Variants in CERS5 observed in about 807,000 individuals in gnomAD.
The protein encoded by CERS5 is ceramide synthase 5.
A neutral mutation model predicts 58.9 loss-of-function variants in CERS5; 37 were observed. That is an observed-to-expected ratio of 0.63 (90% confidence interval 0.48 to 0.83). CERS5 has a LOEUF of 0.83. Ranked by LOEUF, CERS5 falls within the 40% of genes least tolerant of loss-of-function variation. CERS5 has a pLI of 0.00. For missense variants in CERS5, 398 were observed against 489.3 expected (o/e 0.81, Z 1.76); for synonymous variants, 147 against 177.8 (o/e 0.83, Z 1.38).
At chr12:50,160,304 C>CA (rs754917459) in intron 1 of CERS5, among the ~76,000 whole-genome samples, 34,520 of 84,138 alleles carry the variant, frequency 0.41, 5,711 homozygotes, top group Non-Finnish European at 0.48. Flanking sequence ...GACTCTGTCT[C>CA]AAAAAAAAAA....
intron 2 of CERS5, 143 bp downstream of exon 2, chr12:50,143,809 T>G (rs1952111594): frequency 1.7e-6 from 1 of 593,390 alleles, no homozygotes. Flanking sequence ...GATAAAGCTC[T>G]CCATATAGCT....
At chr12:50,132,990 G>T (rs1238138977) in intron 9 of CERS5, 6 of 1,288,856 alleles carry the variant, frequency 4.7e-6, no homozygotes, top group African/African-American at 1.5e-5. Flanking sequence ...TCCAGCTCCC[G>T]CCAGGCATAG....
intron 1 of CERS5, among the ~76,000 whole-genome samples, chr12:50,162,273 G>A (rs1939394756): frequency 6.6e-6 from 1 of 150,404 alleles, no homozygotes; most frequent in Non-Finnish European, 1.5e-5. Flanking sequence ...TAGAACAAGA[G>A]GTTAAATCTT....
intron 1 of CERS5, among the ~76,000 whole-genome samples, chr12:50,163,748 C>A (rs1460417515): frequency 6.6e-6 from 1 of 152,066 alleles, no homozygotes; most frequent in African/African-American, 2.4e-5. Flanking sequence ...CGGGTTCAAG[C>A]AATCCTCCTG....
In CERS5 at chr12:50,138,563, C is replaced by T. The variant is rs773188969; in HGVS notation, c.543+4G>A. The T allele has an allele frequency of 1.9e-6, 3 of 1,613,466 alleles. No individual in the cohort carries two copies. The highest frequency in any genetic ancestry group is 2.2e-5 in the East Asian group (1 of 44,872). ...CCCCTATCCTGAAACGACTCAGATC[C>T]TACCTGAAATGGATAGTTATGCCAG... On this transcript the variant is annotated splice_donor_region_variant and intron_variant, in intron 5 of 9. Transcript: ENST00000317551.
chr12:50,163,084 G>C (rs1418795600), intron 1 of CERS5, among the ~76,000 whole-genome samples: 1 of 152,082 alleles, frequency 6.6e-6, no homozygotes, highest in African/African-American at 2.4e-5. Flanking sequence ...TTTTTTGTAG[G>C]ATCAGGGTCT....
chr12:50,161,951 C>T (rs1223913473), intron 1 of CERS5, among the ~76,000 whole-genome samples: 4 of 145,428 alleles, frequency 2.8e-5, no homozygotes, highest in African/African-American at 5.1e-5. Flanking sequence ...CTCAGCTCAC[C>T]GCAACCTCTG....
chr12:50,135,639 A>C (rs1160491797), intron 8 of CERS5, 93 bp downstream of exon 8: 3 of 941,026 alleles, frequency 3.2e-6, no homozygotes, highest in Non-Finnish European at 5.3e-6. Flanking sequence ...GTAGAATAGA[A>C]TAGAACAGAA....
chr12:50,146,533 C>A (rs1439167940), intron 1 of CERS5, among the ~76,000 whole-genome samples: 1 of 152,188 alleles, frequency 6.6e-6, no homozygotes, highest in African/African-American at 2.4e-5. Context: ...TAAAGCTACT[C>A]ATATCCAGTC....
chr12:50,138,685 T>A, intron 4 of CERS5, 68 bp from the exon 5 acceptor site: 2 of 1,363,676 alleles, frequency 1.5e-6, no homozygotes, highest in Non-Finnish European at 2.1e-6. Flanking sequence ...CTACCTCATA[T>A]AATCCCCTTC....
At position 50,136,129 on chromosome 12, in the gene CERS5, A is replaced by G. The variant is rs1044088721; in HGVS notation, c.637-60T>C. ...AGCTGGGCCCTAGAAACACCAGCCA[A>G]CCCAACGTCCTGCATTATTCTCTAA... On this transcript the variant is annotated intron_variant, in intron 6 of 9. Transcript: ENST00000317551. 2.3e-5 allele frequency: 33 copies of G among 1,405,708 alleles called. No individual in the cohort carries two copies. The African/African-American group carries it at 4.5e-4, about 19-fold the overall frequency. The allele number at this position is 1,405,708 out of a possible 1,614,324, so 87.1% of individuals were successfully genotyped here.
intron 1 of CERS5, among the ~76,000 whole-genome samples, chr12:50,147,165 A>G (rs1952327848): frequency 6.6e-6 from 1 of 152,056 alleles, no homozygotes; most frequent in African/African-American, 2.4e-5. Context: ...GCACTTTGGG[A>G]GGCTGAGGCG....
At chr12:50,159,688 G>A (rs981160382) in intron 1 of CERS5, among the ~76,000 whole-genome samples, 11 of 152,018 alleles carry the variant, frequency 7.2e-5, no homozygotes, top group Admixed American at 2.6e-4. Flanking sequence ...CCACCTCACA[G>A]GTTCAAGCGA....
intron 8 of CERS5, chr12:50,135,399 G>C: frequency 2.1e-6 from 1 of 487,184 alleles, no homozygotes; most frequent in Non-Finnish European, 3.9e-6. Flanking sequence ...ACTGAGAATT[G>C]TATCAACAGT....
intron 1 of CERS5, among the ~76,000 whole-genome samples, chr12:50,161,053 C>T (rs1939219507): frequency 6.6e-6 from 1 of 152,218 alleles, no homozygotes; most frequent in Non-Finnish European, 1.5e-5. Flanking sequence ...CTCAGGGCAT[C>T]TGAGTGGACA....
In CERS5 at chr12:50,130,612, C is replaced by G. The variant is rs767329894; in HGVS notation, c.1112G>C (p.Ser371Thr). The change falls in exon 10 of 10, where the codon AGT becomes ACT. Residue 371 changes from serine (S) to threonine (T), a missense_variant. Physicochemically the swap from Ser to Thr is moderately conservative, Grantham distance 58. This residue lies in a region of CERS5 where 47 missense variants were observed against 50.2 expected (regional missense o/e 0.94). Coordinates refer to ENST00000317551, the MANE Select transcript of CERS5 (RefSeq NM_147190.5). ...CCGATTGGCACCATTGCTGGAGCTA[C>G]TGTCACAGGGACTTTTTGTGCAGGT... The part of the protein sequence containing the change: ...VTTCTKSPCD[S>T]SSSNGANRVN... 2 of 1,613,178 alleles carry G rather than the reference C, an allele frequency of 1.2e-6. No individual in the cohort carries two copies. Among genetic ancestry groups the G allele is most frequent in the South Asian group, 2.2e-5 (2 of 91,044 alleles).
chr12:50,132,902 A>G, intron 9 of CERS5: 1 of 1,284,074 alleles, frequency 7.8e-7, no homozygotes, highest in Non-Finnish European at 1.0e-6. Flanking sequence ...AGCAGGAGGA[A>G]AGAGAACCAC....
chr12:50,164,515 A>G (rs1323046455), intron 1 of CERS5, among the ~76,000 whole-genome samples: 1 of 152,200 alleles, frequency 6.6e-6, no homozygotes, highest in East Asian at 1.9e-4. Context: ...GCAGTGAATT[A>G]TATTACTGAG....
chr12:50,153,859 CA>C, intron 1 of CERS5: 1 of 424,724 alleles, frequency 2.4e-6, no homozygotes, highest in Admixed American at 2.7e-5. Context: ...AAGGCTGAGG[CA>C]GGAGAATCAT....
Sources: allele counts gnomAD v4.1 joint callset (sites outside exome capture counted in the v4.1 genomes callset), GRCh38; gene constraint gnomAD v4.1.1; regional missense constraint gnomAD v4.1.1; transcripts MANE v1.5; gene names NCBI Gene and HGNC (gene_info 2026-07-23, HGNC 2026-07-21).